Variants in GRIN2A observed in about 807,000 individuals in gnomAD.
GRIN2A encodes glutamate ionotropic receptor NMDA type subunit 2A, also known as glutamate receptor ionotropic, NMDA 2A.
Under a neutral mutation model 113.4 loss-of-function variants are expected in GRIN2A, and 22 were observed. The observed-to-expected ratio is 0.19, with a 90% CI of 0.14 to 0.28. The LOEUF is 0.28. GRIN2A is among the 10% of genes least tolerant of loss of function. The pLI is 1.00. For synonymous variants in GRIN2A, 827 were observed against 738.4 expected (o/e 1.12, Z -1.94); for missense variants, 1,502 against 1,887.0 (o/e 0.80, Z 3.78).
Position 9,798,246 on chromosome 16 carries a change from C to T in GRIN2A, c.2356+31G>A, listed in dbSNP as rs1171234138. The T allele has an allele frequency of 1.9e-6, 3 of 1,588,218 alleles. No individual in the cohort carries two copies. In the African/African-American group the frequency reaches 4.0e-5, roughly 21 times the overall value. On this transcript the variant is annotated intron_variant, in intron 11 of 12. Coordinates refer to ENST00000330684, the MANE Select transcript of GRIN2A (RefSeq NM_001134407.3). ...AAGCGAGTGTGAGGGTCTCAAGTCC[C>T]CCTAAAGAAAGGGGTCACCCGGGGT...
intron 2 of GRIN2A, among the ~76,000 whole-genome samples, chr16:10,091,687 T>C (rs1010258994): frequency 6.6e-6 from 1 of 152,162 alleles, no homozygotes. Flanking sequence ...TATTTGGAAA[T>C]AGAAATGTAG....
In GRIN2A at chr16:10,004,247, G is replaced by A. The variant is rs559057162; in HGVS notation, c.415-65696C>T. On this transcript the variant is annotated intron_variant, in intron 2 of 12. Transcript: ENST00000330684. ...CTACTAAAAATACAAAAATCAGCTG[G>A]GCATGATGGTGCGCACCTGTAGTCC... 3.2e-4 allele frequency among the ~76,000 whole-genome samples: 49 copies of A among 151,970 alleles called. No homozygotes were observed. In the South Asian group the frequency reaches 0.01, roughly 32 times the overall value.
In GRIN2A at chr16:9,998,017, A is replaced by G. The variant is rs139487397; in HGVS notation, c.415-59466T>C. ...ATAGACTAATACATGTACCTACTAC[A>G]TTTATTTATAGAATTATAACACCTC... On this transcript the variant is annotated intron_variant, in intron 2 of 12. Coordinates refer to ENST00000330684, the MANE Select transcript of GRIN2A (RefSeq NM_001134407.3). Among the ~76,000 whole-genome samples, 553 of 152,296 alleles carry G rather than the reference A, an allele frequency of 3.6e-3. 5 individuals carry two copies. Among genetic ancestry groups the G allele is most frequent in the African/African-American group, 0.012 (514 of 41,562 alleles).
At chr16:10,039,272 G>A (rs559962196) in intron 2 of GRIN2A, among the ~76,000 whole-genome samples, 3 of 152,158 alleles carry the variant, frequency 2.0e-5, no homozygotes, top group Non-Finnish European at 4.4e-5. Context: ...TGTTTTCTCA[G>A]ATGCTCTCTT....
intron 9 of GRIN2A, among the ~76,000 whole-genome samples, chr16:9,827,652 A>G (rs1361662798): frequency 6.6e-6 from 1 of 152,236 alleles, no homozygotes; most frequent in Non-Finnish European, 1.5e-5. Flanking sequence ...CAGTGCCCAA[A>G]GGCAAAAATC....
chr16:9,827,100 A>ATAT (rs1241926502), intron 9 of GRIN2A, among the ~76,000 whole-genome samples: 2 of 152,194 alleles, frequency 1.3e-5, no homozygotes, highest in Admixed American at 1.3e-4. Context: ...TACAAGATAC[A>ATAT]TTTACATATG....
chr16:10,084,430 G>A (rs1465080535), intron 2 of GRIN2A, among the ~76,000 whole-genome samples: 1 of 152,120 alleles, frequency 6.6e-6, no homozygotes, highest in Non-Finnish European at 1.5e-5. Context: ...CCTGGAACCT[G>A]GGGTCCAACA....
chr16:10,032,322 C>A (rs952185598), intron 2 of GRIN2A, among the ~76,000 whole-genome samples: 49 of 152,302 alleles, frequency 3.2e-4, no homozygotes, highest in African/African-American at 1.1e-3. Flanking sequence ...ATTTTATAAA[C>A]AACAATTGGC....
intron 2 of GRIN2A, chr16:10,111,969 G>C: frequency 1.4e-6 from 1 of 700,712 alleles, no homozygotes; most frequent in Non-Finnish European, 2.6e-6. Flanking sequence ...CATTGAAACA[G>C]GCAAATGAGA....
intron 11 of GRIN2A, among the ~76,000 whole-genome samples, chr16:9,793,817 G>GTATT (rs3058102): frequency 0.37 from 56,444 of 151,698 alleles, 11,304 homozygotes; most frequent in African/African-American, 0.54. Flanking sequence ...ATGTGTATAT[G>GTATT]TATGTCTACA....
intron 2 of GRIN2A, among the ~76,000 whole-genome samples, chr16:10,015,528 T>C (rs1244248273): frequency 6.6e-6 from 1 of 152,080 alleles, no homozygotes; most frequent in Non-Finnish European, 1.5e-5. Flanking sequence ...AAAAAAAGAC[T>C]CCCTGATTCC....
intron 2 of GRIN2A, among the ~76,000 whole-genome samples, chr16:10,005,881 C>T (rs182785229): frequency 2.6e-5 from 4 of 152,342 alleles, no homozygotes; most frequent in African/African-American, 7.2e-5. Context: ...AATGCAACCA[C>T]ATATACACAG....
At chr16:10,129,883 C>T (rs945578895) in intron 2 of GRIN2A, among the ~76,000 whole-genome samples, 2 of 152,174 alleles carry the variant, frequency 1.3e-5, no homozygotes, top group Admixed American at 1.3e-4. Context: ...TTAGAAGATG[C>T]TGCTGTCACT....
chr16:9,975,224 G>A (rs2650432), intron 2 of GRIN2A, among the ~76,000 whole-genome samples: 129,242 of 152,126 alleles, frequency 0.85, 55,460 homozygotes, highest in African/African-American at 0.94. Context: ...GGGCAAAATG[G>A]ATCCCCCAAA....
chr16:9,948,410 G>C (rs558178944), intron 2 of GRIN2A, among the ~76,000 whole-genome samples: 1 of 152,140 alleles, frequency 6.6e-6, no homozygotes, highest in African/African-American at 2.4e-5. Context: ...CTAGTCCATG[G>C]ACCAAGCTTT....
At chr16:9,953,521 T>C (rs942289696) in intron 2 of GRIN2A, among the ~76,000 whole-genome samples, 48 of 151,922 alleles carry the variant, frequency 3.2e-4, no homozygotes, top group Non-Finnish European at 6.6e-4. Context: ...AGAAGGTGGA[T>C]AGGCAGGTCT....
At chr16:10,152,429 G>C (rs1033805136) in intron 2 of GRIN2A, among the ~76,000 whole-genome samples, 1 of 152,122 alleles carries the variant, frequency 6.6e-6, no homozygotes, top group Non-Finnish European at 1.5e-5. Flanking sequence ...CATAATGATG[G>C]TTCAACTCCA....
At chr16:10,010,239 G>C (rs2046481002) in intron 2 of GRIN2A, among the ~76,000 whole-genome samples, 1 of 152,142 alleles carries the variant, frequency 6.6e-6, no homozygotes, top group South Asian at 2.1e-4. Flanking sequence ...CATATATCTA[G>C]CTTTTACTTT....
chr16:9,971,835 G>A (rs1029357946), intron 2 of GRIN2A, among the ~76,000 whole-genome samples: 2 of 152,240 alleles, frequency 1.3e-5, no homozygotes, highest in East Asian at 3.9e-4. Context: ...TATACCTGAA[G>A]GCTCTGTAGA....
Sources: gnomAD v4.1 joint callset for allele counts (sites outside exome capture counted in the v4.1 genomes callset) on GRCh38, gnomAD v4.1.1 for gene constraint, MANE v1.5 for transcripts, NCBI Gene and HGNC (gene_info 2026-07-23, HGNC 2026-07-21) for gene names.